CNTN6: variants seen among roughly 807,000 people sequenced by gnomAD.
CNTN6 encodes contactin 6.
In CNTN6, 137 loss-of-function variants were observed where a neutral mutation model predicts 122.8. The ratio of observed to expected loss-of-function variants is 1.12; its 90% CI spans 0.97 to 1.29. The LOEUF is 1.29. Among genes scored for constraint, CNTN6 ranks in the 50% most tolerant of loss-of-function variants. CNTN6 has a pLI of 0.00. For missense variants in CNTN6, 1,634 were observed against 1,223.4 expected, an observed-to-expected ratio of 1.34 and a Z score of -5.01; for synonymous variants, 570 against 426.0, an observed-to-expected ratio of 1.34 and a Z score of -4.16.
At chr3:1,219,307 G>A (rs536119601) in intron 2 of CNTN6, among the ~76,000 whole-genome samples, 1 of 152,278 alleles carries the variant, frequency 6.6e-6, no homozygotes, top group African/African-American at 2.4e-5. Flanking sequence ...CTGACAGAAC[G>A]CAGCATAAAG....
intron 7 of CNTN6, chr3:1,298,441 T>G (rs954811038): frequency 6.5e-5 from 10 of 153,314 alleles, no homozygotes; most frequent in African/African-American, 2.4e-4. Flanking sequence ...AAAATAAGAC[T>G]AATTAAAGTC....
rs1282706616 is a variant in CNTN6 at position 1,382,881 on chromosome 3, T to TTATAG, written c.2167-58_2167-54dup. On this transcript the variant is annotated intron_variant, in intron 17 of 22. Coordinates refer to ENST00000446702, the MANE Select transcript of CNTN6 (RefSeq NM_001289080.2). ...AGAAATGTGAAATAATCAATAAACATTATAGTAGCTTAATAAAATATTTTT... is the reference window on the plus strand; with the variant it reads ...AGAAATGTGAAATAATCAATAAACATTATAGTATAGTAGCTTAATAAAATATTTTT... The TTATAG allele has an allele frequency of 1.1e-5, 12 of 1,078,984 alleles. No individual in the cohort carries two copies. In the African/African-American group the frequency reaches 1.6e-4, roughly 14 times the overall value. 66.8% of individuals were successfully genotyped at this position (1,078,984 alleles called of 1,614,324 possible). A position where few individuals can be genotyped will look rare whatever the true frequency, so the allele number is the denominator to read the frequency against.
At chr3:1,383,475 A>G (rs888645203) in intron 19 of CNTN6, 67 bp downstream of exon 19, 3 of 1,146,962 alleles carry the variant, frequency 2.6e-6, no homozygotes, top group Non-Finnish European at 3.9e-6. Context: ...CTCCTATTCA[A>G]CAGTCCTATC....
chr3:1,133,581 C>T (rs2092394205), intron 1 of CNTN6, among the ~76,000 whole-genome samples: 1 of 152,178 alleles, frequency 6.6e-6, no homozygotes, highest in Admixed American at 6.5e-5. Context: ...GGCTGTATAG[C>T]ATGGACTCAG....
intron 21 of CNTN6, among the ~76,000 whole-genome samples, chr3:1,401,815 A>G (rs779337582): frequency 6.6e-6 from 1 of 152,052 alleles, no homozygotes; most frequent in African/African-American, 2.4e-5. Flanking sequence ...TCATAAGATG[A>G]TGGCTTATGT....
intron 4 of CNTN6, among the ~76,000 whole-genome samples, chr3:1,251,689 T>C (rs1306391177): frequency 2.0e-5 from 3 of 152,058 alleles, no homozygotes; most frequent in Non-Finnish European, 4.4e-5. Flanking sequence ...TAAGTCACCA[T>C]GAAGCTCAAA....
intron 13 of CNTN6, 151 bp from the exon 14 acceptor site, chr3:1,372,687 A>G (rs1473508427): frequency 1.5e-6 from 1 of 674,332 alleles, no homozygotes; most frequent in African/African-American, 1.8e-5. Context: ...GGGGATAATA[A>G]AAGGGTTTAG....
At chr3:1,345,179 C>T (rs1033683103) in intron 11 of CNTN6, among the ~76,000 whole-genome samples, 2 of 151,480 alleles carry the variant, frequency 1.3e-5, no homozygotes, top group South Asian at 2.1e-4. Context: ...TGCGGTGGCA[C>T]GATCTTGGCC....
rs186634373 is a variant in CNTN6, at chr3:1,205,160, C to T, written c.56-15527C>T. On this transcript the variant is annotated intron_variant, in intron 2 of 22. Coordinates refer to ENST00000446702, the MANE Select transcript of CNTN6 (RefSeq NM_001289080.2). ...AGAAAGGTGTCCACAATCCGAGGAA[C>T]GTGGGCAGTCTCTAGAAGTCGTATA... Among the ~76,000 whole-genome samples, 130 of 152,138 alleles carry T rather than the reference C, an allele frequency of 8.5e-4. 1 individual carries two copies. The East Asian group carries it at 0.022, about 25-fold the overall frequency.
intron 5 of CNTN6, among the ~76,000 whole-genome samples, chr3:1,279,678 A>G (rs1261501377): frequency 6.6e-6 from 1 of 152,220 alleles, no homozygotes; most frequent in African/African-American, 2.4e-5. Context: ...GGAATGGGAG[A>G]ACTTTTAAAA....
chr3:1,321,833 T>A lies in CNTN6; in HGVS notation c.945T>A (p.Tyr315Ter). Reference sequence around the variant, plus strand: ...TTGCAAAGGGTCAACTCATTTTTTATGGTGAGCTAATTGGATTTCAAATAT... The same window carrying A: ...TTGCAAAGGGTCAACTCATTTTTTAAGGTGAGCTAATTGGATTTCAAATAT... Reference protein sequence around the residue: ...RNLAKGQLIFYAPPEWEQKIQ... With the variant: ...RNLAKGQLIF Residue 315 changes from tyrosine (Y) to a stop codon, truncating the protein, a stop_gained and splice_region_variant, in exon 8 of 23, where the codon TAT (tyrosine) becomes TAA (stop). Transcript: ENST00000446702. LOFTEE classifies it high-confidence loss of function. The A allele has an allele frequency of 6.3e-7, 1 of 1,599,802 alleles. No homozygotes were observed. The highest frequency in any genetic ancestry group is 8.5e-7 in the Non-Finnish European group (1 of 1,173,916).
chr3:1,175,719 T>C (rs6799414), intron 2 of CNTN6, among the ~76,000 whole-genome samples: 11,385 of 152,226 alleles, frequency 0.075, 1,353 homozygotes, highest in African/African-American at 0.25. Context: ...GTGAATATAT[T>C]GTGAGAGTGG....
intron 2 of CNTN6, among the ~76,000 whole-genome samples, chr3:1,175,322 ACTTT>A (rs756853278): frequency 1.3e-5 from 2 of 152,036 alleles, no homozygotes; most frequent in Non-Finnish European, 2.9e-5. Flanking sequence ...TAAAAAATTG[ACTTT>A]CTAACTAAAA....
At chr3:1,324,052 T>G (rs1190962584) in intron 8 of CNTN6, among the ~76,000 whole-genome samples, 2 of 149,756 alleles carry the variant, frequency 1.3e-5, no homozygotes, top group Non-Finnish European at 2.9e-5. Context: ...ATTATATAAT[T>G]TTGTTAATAA....
chr3:1,095,086 C>A lies in CNTN6; in HGVS notation c.-83+1966C>A, dbSNP rs1407671565. ...TGTAAGAATGGTTTCTTACTATACA[C>A]CTTTTAAAAAATAAATAATAAATAT... is the stretch of plus-strand genomic sequence containing the variant. On this transcript the variant is annotated intron_variant, in intron 1 of 22. Coordinates refer to ENST00000446702, the MANE Select transcript of CNTN6 (RefSeq NM_001289080.2). Among the ~76,000 whole-genome samples the A allele has an allele frequency of 2.0e-5, 3 of 151,658 alleles. No homozygotes were observed. The East Asian group carries it at 5.8e-4, about 29-fold the overall frequency.
intron 20 of CNTN6, among the ~76,000 whole-genome samples, chr3:1,388,178 G>C (rs925721319): frequency 2.6e-5 from 4 of 151,416 alleles, no homozygotes; most frequent in Non-Finnish European, 5.9e-5. Context: ...CAGCTTTGAA[G>C]AGAGCACTGG....
In CNTN6 at chr3:1,311,581, A is replaced by G. The variant is rs956428070; in HGVS notation, c.762-10069A>G. 2.7e-5 allele frequency among the ~76,000 whole-genome samples: 4 copies of G among 149,424 alleles called. No individual in the cohort carries two copies. The South Asian group carries it at 6.3e-4, about 24-fold the overall frequency. Reference sequence around the variant, plus strand: ...ATAAAATATCTTTATATACACATATATGTATATATAAAGTTTGAAAAAGTC... The same window carrying G: ...ATAAAATATCTTTATATACACATATGTGTATATATAAAGTTTGAAAAAGTC... On this transcript the variant is annotated intron_variant, in intron 7 of 22. Transcript: ENST00000446702.
intron 12 of CNTN6, among the ~76,000 whole-genome samples, chr3:1,352,776 T>G (rs1373438151): frequency 6.6e-6 from 1 of 151,814 alleles, no homozygotes; most frequent in Non-Finnish European, 1.5e-5. Context: ...GATAACATTT[T>G]TTTGGTCAAA....
intron 7 of CNTN6, among the ~76,000 whole-genome samples, chr3:1,309,332 A>G (rs1404432098): frequency 1.3e-5 from 2 of 152,166 alleles, no homozygotes; most frequent in African/African-American, 4.8e-5. Flanking sequence ...TTCTGGGTCT[A>G]TTCATTTTAT....
Sources: allele counts gnomAD v4.1 joint callset (sites outside exome capture counted in the v4.1 genomes callset), GRCh38; gene constraint gnomAD v4.1.1; transcripts MANE v1.5; gene names NCBI Gene and HGNC (gene_info 2026-07-23, HGNC 2026-07-21).